Variants in SPECC1 observed in about 807,000 individuals in gnomAD.
SPECC1 encodes the protein cytospin-B.
SPECC1 carries 62 observed loss-of-function variants against 104.1 expected under a neutral mutation model. The ratio of observed to expected loss-of-function variants is 0.60; its 90% CI spans 0.49 to 0.74. The LOEUF (loss-of-function observed/expected upper bound fraction) is 0.74, where lower values mean the gene tolerates loss of function less well. Ranked by LOEUF, SPECC1 falls within the 30% of genes least tolerant of loss-of-function variation. SPECC1 has a pLI of 0.00. For missense variants in SPECC1, 1,306 were observed against 1,310.5 expected (o/e 1.00, Z 0.05); for synonymous variants, 513 against 501.6 (o/e 1.02, Z -0.30).
At chr17:20,225,033 T>C (rs1402853188) in intron 4 of SPECC1, among the ~76,000 whole-genome samples, 1 of 152,176 alleles carries the variant, frequency 6.6e-6, no homozygotes, top group Non-Finnish European at 1.5e-5. Context: ...GGGTCCTTCC[T>C]TTCATGACAG....
At chr17:20,226,717 G>C (rs559192948) in intron 4 of SPECC1, among the ~76,000 whole-genome samples, 1 of 152,128 alleles carries the variant, frequency 6.6e-6, no homozygotes, top group South Asian at 2.1e-4. Context: ...CGATTGTGCC[G>C]TGCCACTTTT....
chr17:20,125,110 G>A (rs1210443416), intron 3 of SPECC1, among the ~76,000 whole-genome samples: 1 of 152,140 alleles, frequency 6.6e-6, no homozygotes, highest in Admixed American at 6.5e-5. Context: ...AACCCGGGAG[G>A]CGGAGCTTGC....
At chr17:20,236,560 C>T (rs1233784576) in intron 7 of SPECC1, among the ~76,000 whole-genome samples, 2 of 151,446 alleles carry the variant, frequency 1.3e-5, no homozygotes, top group Non-Finnish European at 2.9e-5. Context: ...CTGGAGGGGC[C>T]TATGGTGTTC....
intron 12 of SPECC1, among the ~76,000 whole-genome samples, chr17:20,269,669 C>T (rs552805159): frequency 1.3e-5 from 2 of 152,254 alleles, no homozygotes; most frequent in South Asian, 2.1e-4. Context: ...CCCCTGCACC[C>T]GGCCGGTTGG....
intron 1 of SPECC1, among the ~76,000 whole-genome samples, chr17:20,012,336 G>A (rs1200201157): frequency 6.6e-6 from 1 of 151,888 alleles, no homozygotes; most frequent in Non-Finnish European, 1.5e-5. Context: ...CTGTTGATAT[G>A]GAGAGTTGTA....
intron 1 of SPECC1, among the ~76,000 whole-genome samples, chr17:20,035,951 G>A (rs543284439): frequency 2.5e-4 from 38 of 151,480 alleles, no homozygotes; most frequent in African/African-American, 9.2e-4. Context: ...AGCCTCCTGA[G>A]TAGCTGAGAC....
chr17:20,283,964 T>C (rs985085952), intron 12 of SPECC1, among the ~76,000 whole-genome samples: 3 of 152,240 alleles, frequency 2.0e-5, no homozygotes, highest in African/African-American at 4.8e-5. Flanking sequence ...AATTTTGTCA[T>C]ATAGAAACTT....
At chr17:20,257,018 GTTC>G (rs1230221280) in intron 10 of SPECC1, among the ~76,000 whole-genome samples, 1 of 152,190 alleles carries the variant, frequency 6.6e-6, no homozygotes, top group Non-Finnish European at 1.5e-5. Context: ...TTGTCAAGTA[GTTC>G]TTCTTGGTTC....
At chr17:20,168,244 A>G (rs1006923759) in intron 3 of SPECC1, among the ~76,000 whole-genome samples, 1 of 152,198 alleles carries the variant, frequency 6.6e-6, no homozygotes, top group African/African-American at 2.4e-5. Flanking sequence ...CATTTAATCC[A>G]ACCATGCATT....
At chr17:20,233,656 G>A (rs1567969038) in intron 7 of SPECC1, among the ~76,000 whole-genome samples, 1 of 152,094 alleles carries the variant, frequency 6.6e-6, no homozygotes. Flanking sequence ...CTACACATGC[G>A]CCAGACAAGG....
intron 1 of SPECC1, among the ~76,000 whole-genome samples, chr17:20,068,209 C>CT (rs1033013827): frequency 3.3e-5 from 5 of 152,206 alleles, no homozygotes; most frequent in Non-Finnish European, 7.3e-5. Context: ...GACCTGCCTG[C>CT]TTCAGCCTCC....
intron 1 of SPECC1, among the ~76,000 whole-genome samples, chr17:20,052,521 G>T (rs975424137): frequency 6.6e-6 from 1 of 152,176 alleles, no homozygotes; most frequent in African/African-American, 2.4e-5. Flanking sequence ...CTGGTTCAAA[G>T]ATACCTTAAC....
intron 14 of SPECC1, 195 bp downstream of exon 14, chr17:20,306,277 G>C (rs953424769): frequency 1.9e-6 from 1 of 515,244 alleles, no homozygotes; most frequent in South Asian, 3.1e-5. Flanking sequence ...AATCGCATAA[G>C]ATTTCATATG....
At chr17:20,298,948 A>AGAGAGAGAGAGAGAGTGTGT in intron 13 of SPECC1, among the ~76,000 whole-genome samples, 1 of 49,076 alleles carries the variant, frequency 2.0e-5, no homozygotes, top group African/African-American at 9.3e-5. Context: ...AGAGAGAGAG[A>AGAGAGAGAGAGAGAGTGTGT]GTGTGTGTGT....
intron 4 of SPECC1, among the ~76,000 whole-genome samples, chr17:20,223,621 C>T (rs907354249): frequency 1.3e-5 from 2 of 150,760 alleles, no homozygotes; most frequent in Admixed American, 6.6e-5. Flanking sequence ...TGCAGTGAGC[C>T]GAGAAAGTAC....
chr17:20,234,683 A>G (rs1282862271), intron 7 of SPECC1, among the ~76,000 whole-genome samples: 1 of 152,162 alleles, frequency 6.6e-6, no homozygotes, highest in African/African-American at 2.4e-5. Flanking sequence ...GACAACTGAG[A>G]GAAGGTAAGA....
chr17:20,285,542 A>C (rs960466430), intron 12 of SPECC1, among the ~76,000 whole-genome samples: 3 of 152,156 alleles, frequency 2.0e-5, no homozygotes, highest in Non-Finnish European at 2.9e-5. Context: ...AATATTGCTA[A>C]AGTATTTATA....
At chr17:20,118,157 T>G (rs2082263372) in intron 3 of SPECC1, among the ~76,000 whole-genome samples, 3 of 152,014 alleles carry the variant, frequency 2.0e-5, no homozygotes. Context: ...CAATTAGATA[T>G]ATAATTTCCG....
chr17:20,254,277 C>A (rs947682304), intron 10 of SPECC1, among the ~76,000 whole-genome samples: 1 of 151,948 alleles, frequency 6.6e-6, no homozygotes, highest in Admixed American at 6.6e-5. Context: ...CGTCATATTT[C>A]CTGTGTCACA....
Sources: allele counts gnomAD v4.1 joint callset (sites outside exome capture counted in the v4.1 genomes callset), GRCh38; gene constraint gnomAD v4.1.1; transcripts MANE v1.5; gene names NCBI Gene and HGNC (gene_info 2026-07-23, HGNC 2026-07-21).